Variants in VWA5B1 observed in about 807,000 individuals in gnomAD.
VWA5B1 encodes the protein von Willebrand factor A domain-containing protein 5B1.
A neutral mutation model predicts 118.2 loss-of-function variants in VWA5B1; 115 were observed. The observed-to-expected ratio is 0.97, with a 90% CI of 0.84 to 1.14. The LOEUF is 1.14. Ranked by LOEUF, VWA5B1 falls within the 50% of genes most tolerant of loss-of-function variation. The probability of loss-of-function intolerance (pLI) is 0.00; values close to 1 mark genes in which losing one functional copy is unlikely to be tolerated. For missense variants in VWA5B1, 1,596 were observed against 1,603.8 expected, an observed-to-expected ratio of 1.00 and a Z score of 0.08; for synonymous variants, 682 against 658.4, an observed-to-expected ratio of 1.04 and a Z score of -0.55.
rs1200923148 is a variant in VWA5B1, at chr1:20,342,587, C to G, written c.2289C>G (p.Asp763Glu). 5 of 1,500,268 alleles carry G rather than the reference C, an allele frequency of 3.3e-6. No individual in the cohort carries two copies. The South Asian group carries it at 4.0e-5, about 12-fold the overall frequency. The allele number at this position is 1,500,268 out of a possible 1,614,324, so 92.9% of individuals were successfully genotyped here. The stretch of plus-strand genomic sequence containing the variant: ...GCCCTGTGAGAGAGCGGACTTCTGA[C>G]AGCCGAAGCCCTGGAGATCTGGGTA... ...AWSPVRERTS[D>E]SRSPGDLEPS... is the part of the protein sequence containing the mutation. Residue 763 changes from aspartate (D) to glutamate (E), a missense_variant, in exon 15 of 22, where the codon GAC becomes GAG. Coordinates refer to ENST00000289815, the MANE Select transcript of VWA5B1 (RefSeq NM_001039500.3).
At chr1:20,297,996 A>ATTTTTTTTTTTTTTTTTTTTTTTT (rs60497976) in intron 1 of VWA5B1, among the ~76,000 whole-genome samples, 3 of 126,640 alleles carry the variant, frequency 2.4e-5, no homozygotes, top group East Asian at 2.6e-4. Context: ...TCGGTGGTGG[A>ATTTTTTTTTTTTTTTTTTTTTTTT]TTTTTTTTTT....
At position 20,314,463 on chromosome 1, in the gene VWA5B1, TCA is replaced by T. The variant is rs2088941990; in HGVS notation, c.435_436del (p.Ile145MetfsTer59). On this transcript the variant is annotated frameshift_variant, in exon 4 of 22. Transcript: ENST00000289815. LOFTEE classifies it high-confidence loss of function. ...CCCATGGAGAATGTCACCATCTTCATCAGCACCTCCTCGGAGCTCCCAACGCT... is the reference window on the plus strand; with the variant it reads ...CCCATGGAGAATGTCACCATCTTCATGCACCTCCTCGGAGCTCCCAACGCT... 6.4e-7 allele frequency: 1 copy of T among 1,551,790 alleles called. No homozygotes were observed. The highest frequency in any genetic ancestry group is 1.7e-4 in the Middle Eastern group (1 of 5,994).
In VWA5B1 at chr1:20,332,985, G is replaced by A. The variant is rs771472114; in HGVS notation, c.1758+34G>A. 5.8e-6 allele frequency: 9 copies of A among 1,546,200 alleles called. No homozygotes were observed. The African/African-American group carries it at 8.2e-5, about 14-fold the overall frequency. ...CCTAGAAATTCCACGGGTCCGTGTGGGCCCAGAACCCATGCCTACAAATCA... is the reference window on the plus strand; with the variant it reads ...CCTAGAAATTCCACGGGTCCGTGTGAGCCCAGAACCCATGCCTACAAATCA... On this transcript the variant is annotated intron_variant, in intron 12 of 21. Transcript: ENST00000289815.
Position 20,359,264 on chromosome 1 carries a change from C to T in VWA5B1, c.*5001C>T, listed in dbSNP as rs1168154105. The stretch of plus-strand genomic sequence containing the variant: ...GTGCCTATGGCATGCTACCCGTGCC[C>T]TTGCCTGCTCATCTGTAATGTCCCC... On this transcript the variant is annotated 3_prime_UTR_variant, in exon 22 of 22. Transcript: ENST00000289815. Among the ~76,000 whole-genome samples the T allele has an allele frequency of 6.6e-6, 1 of 152,200 alleles. No homozygotes were observed. Among genetic ancestry groups the T allele is most frequent in the African/African-American group, 2.4e-5 (1 of 41,446 alleles).
chr1:20,309,294 A>G (rs530828824), intron 1 of VWA5B1, among the ~76,000 whole-genome samples: 1 of 152,366 alleles, frequency 6.6e-6, no homozygotes, highest in African/African-American at 2.4e-5. Flanking sequence ...GCTCAGAAAC[A>G]GAACGCAGCA....
intron 11 of VWA5B1, 100 bp downstream of exon 11, chr1:20,331,083 A>T (rs897140742): frequency 2.0e-6 from 2 of 987,268 alleles, no homozygotes; most frequent in Non-Finnish European, 3.0e-6. Flanking sequence ...TGACACCCCA[A>T]ATCTGAGCTC....
chr1:20,341,484 A>G (rs939823915), intron 14 of VWA5B1, among the ~76,000 whole-genome samples: 4 of 152,212 alleles, frequency 2.6e-5, no homozygotes, highest in African/African-American at 9.7e-5. Flanking sequence ...ACACTTAAAT[A>G]TTTGCCAATC....
At position 20,332,342 on chromosome 1, in the gene VWA5B1, T is replaced by C. The variant is rs1467850066; in HGVS notation, c.1573-424T>C. 2.6e-5 allele frequency among the ~76,000 whole-genome samples: 4 copies of C among 151,978 alleles called. No homozygotes were observed. The East Asian group carries it at 7.7e-4, about 29-fold the overall frequency. On this transcript the variant is annotated intron_variant, in intron 11 of 21. Coordinates refer to ENST00000289815, the MANE Select transcript of VWA5B1 (RefSeq NM_001039500.3). ...TAAATATACAAAAATTAGCTGGGCA[T>C]GATGGCGGGTGCCTGTAATCCCAGC... is the stretch of plus-strand genomic sequence containing the variant.
intron 1 of VWA5B1, among the ~76,000 whole-genome samples, chr1:20,306,242 G>C (rs1201535201): frequency 6.6e-6 from 1 of 152,130 alleles, no homozygotes; most frequent in Non-Finnish European, 1.5e-5. Flanking sequence ...ACGTGAAGGG[G>C]TGAGGGAGCG....
chr1:20,314,373 GA>G lies in VWA5B1; in HGVS notation c.347del (p.Lys116ArgfsTer2). On this transcript the variant is annotated frameshift_variant, in exon 4 of 22. Coordinates refer to ENST00000289815, the MANE Select transcript of VWA5B1 (RefSeq NM_001039500.3). LOFTEE classifies it high-confidence loss of function. ...VSIAPHSCTP[G>X]KVTLDEDLER... ...ATAGCCCCTCATTCCTGCACACCGGGAAAGGTGACCTTGGACGAGGATTTGG... is the reference window on the plus strand; with the variant it reads ...ATAGCCCCTCATTCCTGCACACCGGGAAGGTGACCTTGGACGAGGATTTGG... 1 of 1,552,028 alleles carries G rather than the reference GA, an allele frequency of 6.4e-7. No homozygotes were observed. The highest frequency in any genetic ancestry group is 8.7e-7 in the Non-Finnish European group (1 of 1,147,052).
chr1:20,328,413 G>A (rs184467458), intron 9 of VWA5B1, among the ~76,000 whole-genome samples: 5 of 152,182 alleles, frequency 3.3e-5, no homozygotes, highest in East Asian at 1.9e-4. Context: ...ATGAGTGGGC[G>A]TGGCAGCGGG....
intron 5 of VWA5B1, among the ~76,000 whole-genome samples, chr1:20,318,152 A>G (rs2089083696): frequency 1.3e-5 from 2 of 151,700 alleles, no homozygotes; most frequent in Non-Finnish European, 1.5e-5. Flanking sequence ...GCTTCTCCCC[A>G]CAACCACTCA....
At chr1:20,302,583 T>A (rs2088529774) in intron 1 of VWA5B1, among the ~76,000 whole-genome samples, 1 of 152,178 alleles carries the variant, frequency 6.6e-6, no homozygotes, top group African/African-American at 2.4e-5. Context: ...TACTTCTTGG[T>A]CATTGCGGTA....
intron 14 of VWA5B1, among the ~76,000 whole-genome samples, chr1:20,342,008 C>T (rs1014438348): frequency 6.6e-5 from 10 of 151,904 alleles, no homozygotes; most frequent in African/African-American, 2.4e-4. Context: ...AAAATGAAAT[C>T]CCAAAAATTC....
chr1:20,337,875 G>T, intron 14 of VWA5B1, 39 bp downstream of exon 14: 1 of 1,551,022 alleles, frequency 6.4e-7, no homozygotes, highest in Non-Finnish European at 8.7e-7. Context: ...GCTGGGGAAG[G>T]CGACAGGCAG....
chr1:20,358,481 A>T lies in VWA5B1; in HGVS notation c.*4218A>T, dbSNP rs1352008013. 6.6e-6 allele frequency among the ~76,000 whole-genome samples: 1 copy of T among 152,104 alleles called. No homozygotes were observed. Among genetic ancestry groups the T allele is most frequent in the Non-Finnish European group, 1.5e-5 (1 of 68,002 alleles). Reference sequence around the variant, plus strand: ...AAGGGGGTCTCCCCTATCTGTGTACAGTCTGCCCCCCCACCCTGCAATTGC... The same window carrying T: ...AAGGGGGTCTCCCCTATCTGTGTACTGTCTGCCCCCCCACCCTGCAATTGC... On this transcript the variant is annotated 3_prime_UTR_variant, in exon 22 of 22. Transcript: ENST00000289815.
chr1:20,313,179 C>T (rs2088901820), intron 3 of VWA5B1, among the ~76,000 whole-genome samples, 191 bp downstream of exon 3: 1 of 152,238 alleles, frequency 6.6e-6, no homozygotes, highest in African/African-American at 2.4e-5. Flanking sequence ...ACCTCAGCTT[C>T]ACTGTCTGTA....
intron 1 of VWA5B1, among the ~76,000 whole-genome samples, chr1:20,296,123 A>G (rs2088402045): frequency 6.6e-6 from 1 of 152,166 alleles, no homozygotes; most frequent in Non-Finnish European, 1.5e-5. Flanking sequence ...TCAGCCTCCC[A>G]AAGTGCTGGG....
intron 1 of VWA5B1, among the ~76,000 whole-genome samples, chr1:20,296,244 T>C (rs1162843076): frequency 6.6e-6 from 1 of 152,214 alleles, no homozygotes; most frequent in African/African-American, 2.4e-5. Context: ...CCTGAATAAA[T>C]GTCTGTTCTT....
Sources: allele counts gnomAD v4.1 joint callset (sites outside exome capture counted in the v4.1 genomes callset), GRCh38; gene constraint gnomAD v4.1.1; transcripts MANE v1.5; gene names NCBI Gene and HGNC (gene_info 2026-07-23, HGNC 2026-07-21).